Variants in COL5A2 observed in about 807,000 individuals in gnomAD.
COL5A2 encodes the protein collagen type V alpha 2 chain.
In COL5A2, 23 loss-of-function variants were observed where a neutral mutation model predicts 208.2. The ratio of observed to expected loss-of-function variants is 0.11; its 90% CI spans 0.08 to 0.16. COL5A2 has a LOEUF of 0.16. Ranked by LOEUF, COL5A2 falls within the 10% of genes least tolerant of loss-of-function variation. The pLI is 1.00. For synonymous variants in COL5A2, 625 were observed against 628.5 expected, an observed-to-expected ratio of 0.99 and a Z score of 0.08; for missense variants, 1,590 against 1,956.4, an observed-to-expected ratio of 0.81 and a Z score of 3.53.
intron 1 of COL5A2, among the ~76,000 whole-genome samples, chr2:189,134,709 A>G (rs1485875245): frequency 6.6e-6 from 1 of 152,242 alleles, no homozygotes; most frequent in Non-Finnish European, 1.5e-5. Context: ...TTTGAGGGTC[A>G]GCAAACAACA....
chr2:189,368,720 A>C, the COL5A2 span, among the ~76,000 whole-genome samples: 8 of 152,202 alleles, frequency 5.3e-5, no homozygotes, highest in African/African-American at 1.4e-4. Context: ...AAGGAACTGG[A>C]TGAGTTTATA....
chr2:189,146,624 A>AACTTT (rs1576555343), intron 1 of COL5A2, among the ~76,000 whole-genome samples: 1 of 152,312 alleles, frequency 6.6e-6, no homozygotes, highest in East Asian at 1.9e-4. Context: ...TAGTAAAGGG[A>AACTTT]ACTTAGGAAA....
intron 1 of COL5A2, among the ~76,000 whole-genome samples, chr2:189,164,670 A>G (rs2105808052): frequency 6.6e-6 from 1 of 152,320 alleles, no homozygotes; most frequent in Admixed American, 6.5e-5. Flanking sequence ...TTTATGTAAT[A>G]TAATATATGC....
the COL5A2 span, among the ~76,000 whole-genome samples, chr2:189,312,483 A>G: frequency 6.6e-6 from 1 of 152,180 alleles, no homozygotes; most frequent in Non-Finnish European, 1.5e-5. Context: ...GGGCACCTGG[A>G]CAGAGCCCAG....
chr2:189,072,578 C>T lies in COL5A2; in HGVS notation c.1105-485G>A, dbSNP rs188673639. Reference sequence around the variant, plus strand: ...CCTGAGGTCAGGAGTTCGAGACCAGCCTGGCCAACGTGGTGAAACCCAGTC... The same window carrying T: ...CCTGAGGTCAGGAGTTCGAGACCAGTCTGGCCAACGTGGTGAAACCCAGTC... On this transcript the variant is annotated intron_variant, in intron 17 of 53. Transcript: ENST00000374866. Among the ~76,000 whole-genome samples, 42 of 152,098 alleles carry T rather than the reference C, an allele frequency of 2.8e-4. 1 individual carries two copies. The highest frequency in any genetic ancestry group is 8.0e-4 in the African/African-American group (33 of 41,484).
chr2:189,190,933 G>A (rs1314357845), intron 1 of COL5A2, among the ~76,000 whole-genome samples: 5 of 151,972 alleles, frequency 3.3e-5, no homozygotes, highest in Non-Finnish European at 7.4e-5. Flanking sequence ...GGTAATAGAC[G>A]CAATCACTGA....
chr2:189,369,520 T>C, the COL5A2 span, among the ~76,000 whole-genome samples: 3 of 152,134 alleles, frequency 2.0e-5, no homozygotes, highest in Admixed American at 1.3e-4. Context: ...TTCGTTTTCA[T>C]TGAGATTATT....
chr2:189,317,986 C>A, the COL5A2 span, among the ~76,000 whole-genome samples: 2 of 152,166 alleles, frequency 1.3e-5, no homozygotes, highest in Non-Finnish European at 1.5e-5. Flanking sequence ...AAATTTTCCT[C>A]TTTAGCACTA....
At chr2:189,103,101 T>C (rs969016700) in intron 3 of COL5A2, among the ~76,000 whole-genome samples, 1 of 148,624 alleles carries the variant, frequency 6.7e-6, no homozygotes, top group Non-Finnish European at 1.5e-5. Flanking sequence ...CATAGATTGG[T>C]CTGTCTCTCT....
chr2:189,372,530 T>C, the COL5A2 span, among the ~76,000 whole-genome samples: 2 of 152,150 alleles, frequency 1.3e-5, no homozygotes, highest in Non-Finnish European at 2.9e-5. Context: ...ACATTAAAAA[T>C]AAAGAAGTTC....
intron 1 of COL5A2, among the ~76,000 whole-genome samples, chr2:189,212,973 CT>C (rs1689235124): frequency 6.6e-6 from 1 of 151,924 alleles, no homozygotes; most frequent in Non-Finnish European, 1.5e-5. Context: ...AATGTAACCT[CT>C]GCCTCCTGGG....
the COL5A2 span, among the ~76,000 whole-genome samples, chr2:189,382,341 G>C: frequency 5.9e-5 from 9 of 151,958 alleles, no homozygotes; most frequent in African/African-American, 2.2e-4. Flanking sequence ...CTGGGTGACA[G>C]AGTAAGACCT....
At position 189,045,201 on chromosome 2, in the gene COL5A2, C is replaced by A; in HGVS notation, c.3341G>T (p.Arg1114Leu). ...TACAGGTAATCCACGTTTCCCAGCT[C>A]GACCAGGTGGTCCTATAGGACCCCG... ...GSRGPIGPPG[R>L]AGKRGLPGPQ... The change falls in exon 47 of 54, where the codon CGA becomes CTA. Residue 1114 changes from arginine (R) to leucine (L), a missense_variant. By Grantham distance (102) the Arg-to-Leu change is moderately radical. Coordinates refer to ENST00000374866, the MANE Select transcript of COL5A2 (RefSeq NM_000393.5). 1 of 1,605,950 alleles carries A rather than the reference C, an allele frequency of 6.2e-7. No individual in the cohort carries two copies. The highest frequency in any genetic ancestry group is 8.5e-7 in the Non-Finnish European group (1 of 1,176,590).
chr2:189,085,069 G>A (rs1317279734), intron 11 of COL5A2, 91 bp downstream of exon 11: 1 of 1,029,218 alleles, frequency 9.7e-7, no homozygotes, highest in Non-Finnish European at 1.5e-6. Context: ...GTGGGGAAAT[G>A]TAATGGAAAT....
At chr2:189,199,443 T>C (rs1689044659) in intron 1 of COL5A2, among the ~76,000 whole-genome samples, 1 of 152,138 alleles carries the variant, frequency 6.6e-6, no homozygotes, top group Non-Finnish European at 1.5e-5. Context: ...TACAATAACA[T>C]ATAAAAATGT....
chr2:189,226,899 T>C, upstream of COL5A2, among the ~76,000 whole-genome samples: 1 of 152,176 alleles, frequency 6.6e-6, no homozygotes, highest in East Asian at 1.9e-4. Flanking sequence ...TTGAGCGGCA[T>C]GTTGCTGCTC....
intron 8 of COL5A2, among the ~76,000 whole-genome samples, chr2:189,087,941 T>C (rs1223564585): frequency 1.3e-5 from 2 of 152,126 alleles, no homozygotes; most frequent in East Asian, 1.9e-4. Flanking sequence ...GCCATATTAC[T>C]AGTAACTTTA....
At chr2:189,305,410 C>T in the COL5A2 span, among the ~76,000 whole-genome samples, 1 of 152,158 alleles carries the variant, frequency 6.6e-6, no homozygotes, top group East Asian at 1.9e-4. Context: ...AAGATTAAAG[C>T]CCTTATAAAA....
chr2:189,396,150 T>C, the COL5A2 span, among the ~76,000 whole-genome samples: 1 of 152,126 alleles, frequency 6.6e-6, no homozygotes, highest in African/African-American at 2.4e-5. Context: ...AATTTATAGA[T>C]ATTTTTCTCA....
Sources: allele counts gnomAD v4.1 joint callset (sites outside exome capture counted in the v4.1 genomes callset), GRCh38; gene constraint gnomAD v4.1.1; transcripts MANE v1.5; gene names NCBI Gene and HGNC (gene_info 2026-07-23, HGNC 2026-07-21).